Variants in NRG3 observed in about 807,000 individuals in gnomAD.
NRG3 encodes pro-neuregulin-3, membrane-bound isoform.
Under a neutral mutation model 66.9 loss-of-function variants are expected in NRG3, and 31 were observed. The observed-to-expected ratio is 0.46, with a 90% CI of 0.35 to 0.63. NRG3 has a LOEUF of 0.63. NRG3 is among the 20% of genes least tolerant of loss of function. The pLI is 0.00. For missense variants in NRG3, 910 were observed against 878.9 expected (o/e 1.04, Z -0.45); for synonymous variants, 393 against 359.4 (o/e 1.09, Z -1.06).
At chr10:82,663,605 G>T (rs1236530189) in intron 2 of NRG3, among the ~76,000 whole-genome samples, 1 of 152,202 alleles carries the variant, frequency 6.6e-6, no homozygotes, top group Non-Finnish European at 1.5e-5. Flanking sequence ...AACACAGTGT[G>T]CCCTGAGCTC....
rs866177545 is a variant in NRG3 at position 82,871,305 on chromosome 10, T to G, written c.1054+5868T>G. On this transcript the variant is annotated intron_variant, in intron 4 of 8. Coordinates refer to ENST00000372141, the MANE Select transcript of NRG3 (RefSeq NM_001010848.4). ...TTGTCTTTTTTTTTTTTGCCAATAC[T>G]ATACTATTTTGATTACTATAGCTTT... Among the ~76,000 whole-genome samples the G allele has an allele frequency of 3.3e-5, 5 of 151,876 alleles. No homozygotes were observed. The South Asian group carries it at 1.0e-3, about 32-fold the overall frequency.
intron 2 of NRG3, among the ~76,000 whole-genome samples, chr10:82,582,137 G>A (rs564054774): frequency 9.9e-5 from 15 of 151,852 alleles, no homozygotes; most frequent in Non-Finnish European, 2.1e-4. Flanking sequence ...ATTTATACTC[G>A]TCAGCAAAAA....
At chr10:82,470,446 A>G (rs1052895572) in intron 2 of NRG3, among the ~76,000 whole-genome samples, 5 of 152,258 alleles carry the variant, frequency 3.3e-5, no homozygotes, top group African/African-American at 1.2e-4. Flanking sequence ...TAAGTACTCA[A>G]TAAAAGAGAA....
intron 1 of NRG3, among the ~76,000 whole-genome samples, chr10:81,908,781 C>T (rs867669396): frequency 7.2e-5 from 11 of 152,282 alleles, no homozygotes; most frequent in Middle Eastern, 3.4e-3. Flanking sequence ...TTCATGAATG[C>T]ATCTGGTGTC....
rs1346100890 is a variant in NRG3 at position 82,986,667 on chromosome 10, T to C, written c.*1062T>C. ...TGTCTAGACCATTTTCTGATGTGAA[T>C]ACTTTTGAGAGGATCAACTATTGGC... is the stretch of plus-strand genomic sequence containing the variant. On this transcript the variant is annotated 3_prime_UTR_variant, in exon 9 of 9. Transcript: ENST00000372141. 2 of 152,218 alleles carry C rather than the reference T, an allele frequency of 1.3e-5. No homozygotes were observed. The highest frequency in any genetic ancestry group is 2.4e-5 in the African/African-American group (1 of 41,464). 9.4% of individuals were successfully genotyped at this position (152,218 alleles called of 1,614,324 possible).
intron 1 of NRG3, among the ~76,000 whole-genome samples, chr10:82,175,259 CCT>C (rs1283919384): frequency 6.6e-6 from 1 of 152,148 alleles, no homozygotes; most frequent in East Asian, 1.9e-4. Context: ...CTGTGATCAG[CCT>C]CTCTGATGCT....
chr10:82,122,757 T>C (rs1354983708), intron 1 of NRG3, among the ~76,000 whole-genome samples: 1 of 152,198 alleles, frequency 6.6e-6, no homozygotes, highest in Non-Finnish European at 1.5e-5. Context: ...ACTTGCCATG[T>C]GTTATGTGTG....
rs557356882 is a variant in NRG3, at chr10:82,676,763, G to A, written c.954-61814G>A. Among the ~76,000 whole-genome samples the A allele has an allele frequency of 4.6e-5, 7 of 152,134 alleles. No individual in the cohort carries two copies. In the South Asian group the frequency reaches 6.2e-4, roughly 14 times the overall value. On this transcript the variant is annotated intron_variant, in intron 2 of 8. Transcript: ENST00000372141. ...CTCCCAAAGTGCTGGATTACAGGCC[G>A]GAGCCATGGCGCCCAGCCTCTATTT...
At chr10:82,097,915 C>A (rs879351603) in intron 1 of NRG3, among the ~76,000 whole-genome samples, 2 of 151,884 alleles carry the variant, frequency 1.3e-5, no homozygotes, top group African/African-American at 4.8e-5. Flanking sequence ...TTGATAAAGT[C>A]TCTGTTTGGG....
chr10:82,794,265 C>T (rs182583696), intron 3 of NRG3, among the ~76,000 whole-genome samples: 8 of 152,226 alleles, frequency 5.3e-5, no homozygotes. Context: ...TAAATCTCCT[C>T]TCTCTCCCAC....
intron 1 of NRG3, among the ~76,000 whole-genome samples, chr10:82,040,415 AATATG>A: frequency 4.3e-5 from 1 of 23,444 alleles, no homozygotes; most frequent in Non-Finnish European, 1.8e-4. Context: ...ATATATATGT[AATATG>A]TAATCTTTCA....
At chr10:82,494,662 C>A (rs1479915525) in intron 2 of NRG3, among the ~76,000 whole-genome samples, 2 of 152,096 alleles carry the variant, frequency 1.3e-5, no homozygotes, top group Non-Finnish European at 2.9e-5. Context: ...CACCCCCAGG[C>A]ATTCTCATTC....
At chr10:82,628,085 TCA>T (rs1233361109) in intron 2 of NRG3, among the ~76,000 whole-genome samples, 1 of 152,172 alleles carries the variant, frequency 6.6e-6, no homozygotes, top group Non-Finnish European at 1.5e-5. Flanking sequence ...GGGTTTGAAC[TCA>T]CAGTCTTTGC....
At chr10:82,812,044 A>G (rs1426220748) in intron 3 of NRG3, among the ~76,000 whole-genome samples, 1 of 152,222 alleles carries the variant, frequency 6.6e-6, no homozygotes, top group Admixed American at 6.5e-5. Flanking sequence ...ATGAAGCCTG[A>G]TAGCTCAGCT....
intron 3 of NRG3, among the ~76,000 whole-genome samples, chr10:82,741,237 G>A (rs2134785174): frequency 1.3e-5 from 2 of 152,154 alleles, no homozygotes; most frequent in South Asian, 4.2e-4. Flanking sequence ...CCACCTAATT[G>A]GTCAGGCTCT....
At chr10:82,707,418 TGGCACAAACAACCTG>T (rs1182219895) in intron 2 of NRG3, among the ~76,000 whole-genome samples, 1 of 151,812 alleles carries the variant, frequency 6.6e-6, no homozygotes, top group Non-Finnish European at 1.5e-5. Context: ...TGGAGTGTAG[TGGCACAAACAACCTG>T]GGCAACAGAG....
intron 1 of NRG3, among the ~76,000 whole-genome samples, chr10:81,924,287 T>C (rs1846551557): frequency 6.6e-6 from 1 of 152,246 alleles, no homozygotes; most frequent in African/African-American, 2.4e-5. Context: ...AGAAATATGC[T>C]CCTAAAGTAC....
intron 1 of NRG3, among the ~76,000 whole-genome samples, chr10:81,942,342 G>A (rs761391344): frequency 2.0e-5 from 3 of 152,070 alleles, no homozygotes; most frequent in Non-Finnish European, 2.9e-5. Context: ...GATGCTACCC[G>A]CTTTCTGAAA....
In NRG3 at chr10:82,685,529, A is replaced by G. The variant is rs2054447896; in HGVS notation, c.954-53048A>G. On this transcript the variant is annotated intron_variant, in intron 2 of 8. Coordinates refer to ENST00000372141, the MANE Select transcript of NRG3 (RefSeq NM_001010848.4). ...AATGAATGTGGAGGCCTAGCACATT[A>G]CTCTGTACACTCTGTAGACTTTATA... is the stretch of plus-strand genomic sequence containing the variant. Among the ~76,000 whole-genome samples, 3 of 152,252 alleles carry G rather than the reference A, an allele frequency of 2.0e-5. No individual in the cohort carries two copies. The South Asian group carries it at 6.2e-4, about 32-fold the overall frequency.
Sources: gnomAD v4.1 joint callset for allele counts (sites outside exome capture counted in the v4.1 genomes callset) on GRCh38, gnomAD v4.1.1 for gene constraint, MANE v1.5 for transcripts, NCBI Gene and HGNC (gene_info 2026-07-23, HGNC 2026-07-21) for gene names.